HTT: variants seen among roughly 807,000 people sequenced by gnomAD.
HTT encodes huntington disease protein.
In HTT, 104 loss-of-function variants were observed where a neutral mutation model predicts 362.3. The observed-to-expected ratio is 0.29, with a 90% confidence interval of 0.24 to 0.34. The LOEUF (loss-of-function observed/expected upper bound fraction) is 0.34, where lower values mean the gene tolerates loss of function less well. Among genes scored for constraint, HTT ranks in the 10% least tolerant of loss-of-function variants. The pLI, the probability that HTT is intolerant of heterozygous loss-of-function variation, is 1.00. For missense variants in HTT, 3,301 were observed against 3,928.6 expected (o/e 0.84, Z 4.27); for synonymous variants, 1,577 against 1,548.7 (o/e 1.02, Z -0.43).
In HTT at chr4:3,194,679, G is replaced by C. The variant is rs144171035; in HGVS notation, c.5369-5053G>C. 1.7e-3 allele frequency among the ~76,000 whole-genome samples: 262 copies of C among 152,286 alleles called. 2 individuals are homozygous for C. Among genetic ancestry groups the C allele is most frequent in the Admixed American group, 3.0e-3 (46 of 15,304 alleles). ...GTGGGTGGTGGAGATGTGCCATGAC[G>C]CTCACGGAGGCATGCTCACCCCTTC... On this transcript the variant is annotated intron_variant, in intron 40 of 66. Coordinates refer to ENST00000355072, the MANE Select transcript of HTT (RefSeq NM_001388492.1).
Position 3,214,108 on chromosome 4 carries a change from T to C in HTT, c.6925T>C (p.Tyr2309His), listed in dbSNP as rs362331. 0.43 allele frequency: 672,094 copies of C among 1,568,922 alleles called. 146,149 individuals carry two copies. The highest frequency in any genetic ancestry group is 0.59 in the African/African-American group (43,115 of 73,416). ...TGTGACCCACGCCTGCTCCCTCATC[T>C]ACTGTGTGCACTTCATCCTGGAGGC... is the stretch of plus-strand genomic sequence containing the variant. ...EFVTHACSLI[Y>H]CVHFILEAVA... The change falls in exon 50 of 67, where the codon TAC becomes CAC. Residue 2309 changes from tyrosine (Y) to histidine (H), a missense_variant. Tyr to His is a moderately conservative substitution (Grantham distance 83, BLOSUM62 2). Coordinates refer to ENST00000355072, the MANE Select transcript of HTT (RefSeq NM_001388492.1).
At chr4:3,160,708 A>G (rs958394627) in intron 29 of HTT, among the ~76,000 whole-genome samples, 20 of 152,026 alleles carry the variant, frequency 1.3e-4, no homozygotes, top group African/African-American at 4.6e-4. Flanking sequence ...TCAAGTGGAA[A>G]GGGGCAAAAC....
Position 3,074,691 on chromosome 4 carries a change from C to T in HTT, c.-135C>T, listed in dbSNP as rs1712364669. The T allele has an allele frequency of 3.4e-6, 3 of 876,460 alleles. No individual in the cohort carries two copies. The highest frequency in any genetic ancestry group is 4.0e-5 in the Admixed American group (1 of 24,814). The allele number at this position is 876,460 out of a possible 1,614,324, so 54.3% of individuals were successfully genotyped here. ...CAAGGCGCCGTGGGGGCTGCCGGGACGGGTCCAAGATGGACGGCCGCTCAG... is the reference window on the plus strand; with the variant it reads ...CAAGGCGCCGTGGGGGCTGCCGGGATGGGTCCAAGATGGACGGCCGCTCAG... On this transcript the variant is annotated 5_prime_UTR_variant, in exon 1 of 67. It adds an upstream start codon to the 5' untranslated region. Transcript: ENST00000355072.
In HTT at chr4:3,228,577, T is replaced by G. The variant is rs778041588; in HGVS notation, c.7849-38T>G. On this transcript the variant is annotated intron_variant, in intron 57 of 66. Transcript: ENST00000355072. This position sits in a 1 kb window ranked among gnomAD's most constrained non-coding sequence, Gnocchi z 4.3. Reference sequence around the variant, plus strand: ...CCCACCCACCAGGAGCCTGGCACTGTGGCCGCAGCACTGAGCAGTGCCCCG... The same window carrying G: ...CCCACCCACCAGGAGCCTGGCACTGGGGCCGCAGCACTGAGCAGTGCCCCG... 3.3e-6 allele frequency: 5 copies of G among 1,516,856 alleles called. No homozygotes were observed. The highest frequency in any genetic ancestry group is 2.8e-5 in the African/African-American group (2 of 71,900). 94.0% of individuals were successfully genotyped at this position (1,516,856 alleles called of 1,614,324 possible).
At chr4:3,190,546 T>C (rs1264497516) in intron 40 of HTT, among the ~76,000 whole-genome samples, 2 of 151,444 alleles carry the variant, frequency 1.3e-5, no homozygotes, top group African/African-American at 2.4e-5. Context: ...CTGGACAACA[T>C]AGCAAGAGAC....
At chr4:3,199,969 C>A in intron 41 of HTT, 30 bp downstream of exon 41, 1 of 1,579,100 alleles carries the variant, frequency 6.3e-7, no homozygotes, top group Non-Finnish European at 8.6e-7. Flanking sequence ...CAGCCCAGGG[C>A]GCCAGCCCAG....
Position 3,134,480 on chromosome 4 carries a change from A to G in HTT, c.2573A>G (p.Asn858Ser). ...QLIIDVLTLR[N>S]SSYWLVRTEL... is the part of the protein sequence containing the mutation. The stretch of plus-strand genomic sequence containing the variant: ...ATCATCGATGTGCTGACTCTGAGGA[A>G]CAGTTCCTATTGGCTGGTGAGGACA... Residue 858 changes from asparagine to serine, a missense_variant, in exon 19 of 67, where the codon AAC becomes AGC. Asn to Ser is a conservative substitution (Grantham distance 46). This residue lies in a region of HTT where 2,316 missense variants were observed against 2,658.5 expected (regional missense o/e 0.87). Coordinates refer to ENST00000355072, the MANE Select transcript of HTT (RefSeq NM_001388492.1). 6.2e-7 allele frequency: 1 copy of G among 1,614,096 alleles called. No homozygotes were observed. The highest frequency in any genetic ancestry group is 8.5e-7 in the Non-Finnish European group (1 of 1,179,922).
chr4:3,229,222 ACAG>A (rs1374438759), intron 59 of HTT, among the ~76,000 whole-genome samples: 1 of 145,054 alleles, frequency 6.9e-6, no homozygotes, highest in Admixed American at 6.9e-5. Context: ...CACAACACAC[ACAG>A]CACACATGCC....
At chr4:3,110,242 G>A (rs1045718274) in intron 6 of HTT, among the ~76,000 whole-genome samples, 11 of 152,134 alleles carry the variant, frequency 7.2e-5, no homozygotes, top group African/African-American at 7.2e-5. Flanking sequence ...GGAGTTAATC[G>A]TTACCTCTAT....
At position 3,223,393 on chromosome 4, in the gene HTT, G is replaced by T. The variant is rs748192191; in HGVS notation, c.7471-13G>T. 1.3e-6 allele frequency: 2 copies of T among 1,565,378 alleles called. No individual in the cohort carries two copies. Among genetic ancestry groups the T allele is most frequent in the Non-Finnish European group, 1.7e-6 (2 of 1,153,712 alleles). On this transcript the variant is annotated splice_polypyrimidine_tract_variant and intron_variant, in intron 54 of 66. Transcript: ENST00000355072. ...TCTTGCTGCTCTTGTTGACATGTGG[G>T]CTCTCCTTCCAGGAAGACACAGAGA...
chr4:3,229,599 A>G (rs1252521898), intron 59 of HTT, among the ~76,000 whole-genome samples: 1 of 149,408 alleles, frequency 6.7e-6, no homozygotes. Context: ...CACACCCCAC[A>G]CCACACACAC....
rs755917139 is a variant in HTT at position 3,116,118 on chromosome 4, C to T, written c.923C>T (p.Thr308Ile). ...LLVPVEDEHS[T>I]LLILGVLLTL... ...GTTCCTGTCGAGGATGAACACTCCA[C>T]TCTGCTGATTCTTGGCGTGCTGCTC... The change falls in exon 8 of 67, where the codon ACT becomes ATT. Residue 308 changes from threonine (T) to isoleucine (I), a missense_variant. Around this residue, in one of 4 missense-constraint regions of HTT, gnomAD observed 2,316 missense variants for 2,658.5 expected, o/e 0.87. Coordinates refer to ENST00000355072, the MANE Select transcript of HTT (RefSeq NM_001388492.1). The T allele has an allele frequency of 3.1e-6, 5 of 1,613,382 alleles. No homozygotes were observed. Among genetic ancestry groups the T allele is most frequent in the Non-Finnish European group, 4.2e-6 (5 of 1,179,848 alleles).
intron 3 of HTT, among the ~76,000 whole-genome samples, chr4:3,101,175 A>G (rs140003215): frequency 3.8e-4 from 58 of 152,326 alleles, no homozygotes; most frequent in African/African-American, 1.3e-3. Flanking sequence ...TGGTCATTTA[A>G]TGTGTAAGTA....
chr4:3,122,737 A>G (rs1715350596), intron 9 of HTT, 152 bp from the exon 10 acceptor site: 1 of 551,844 alleles, frequency 1.8e-6, no homozygotes, highest in African/African-American at 1.9e-5. Context: ...TATTGAAATT[A>G]AAATGTTGAA....
chr4:3,124,322 C>A (rs1433104894), intron 10 of HTT, among the ~76,000 whole-genome samples: 2 of 152,182 alleles, frequency 1.3e-5, no homozygotes, highest in African/African-American at 4.8e-5. Context: ...CCTCTTCTGG[C>A]TGGGACATGG....
At chr4:3,235,127 C>G (rs1466556293) in intron 61 of HTT, among the ~76,000 whole-genome samples, 157 bp from the exon 62 acceptor site, 4 of 152,068 alleles carry the variant, frequency 2.6e-5, no homozygotes, top group African/African-American at 7.2e-5. Flanking sequence ...AGGGTCAGGC[C>G]AGGTTGCAGG....
chr4:3,094,939 G>A (rs1462404538), intron 2 of HTT, among the ~76,000 whole-genome samples: 2 of 151,602 alleles, frequency 1.3e-5, no homozygotes, highest in Non-Finnish European at 2.9e-5. Context: ...GGGCGGCGGG[G>A]CAGAGGTGCT....
At chr4:3,231,413 A>G (rs1578613025) in intron 60 of HTT, among the ~76,000 whole-genome samples, 1 of 152,134 alleles carries the variant, frequency 6.6e-6, no homozygotes, top group African/African-American at 2.4e-5. Context: ...GACAAGGCCA[A>G]GGGTGACCTT....
chr4:3,210,209 G>A (rs1034027943), intron 47 of HTT, among the ~76,000 whole-genome samples: 5 of 152,266 alleles, frequency 3.3e-5, no homozygotes, highest in East Asian at 1.9e-4. Context: ...TAGAATCCAC[G>A]GAGGTGTTGT....
Sources: allele counts gnomAD v4.1 joint callset (sites outside exome capture counted in the v4.1 genomes callset), GRCh38; gene constraint gnomAD v4.1.1; regional missense constraint gnomAD v4.1.1; non-coding constraint Gnocchi (gnomAD v3.1); transcripts MANE v1.5; gene names NCBI Gene and HGNC (gene_info 2026-07-23, HGNC 2026-07-21).